Variants in IFT80 observed in about 807,000 individuals in gnomAD.
IFT80 encodes intraflagellar transport protein 80 homolog.
In IFT80, 79 loss-of-function variants were observed where a neutral mutation model predicts 107.9. That is an observed-to-expected ratio of 0.73 (90% CI 0.61 to 0.88). The LOEUF is 0.88. Ranked by LOEUF, IFT80 falls within the 40% of genes least tolerant of loss-of-function variation. The pLI, the probability that IFT80 is intolerant of heterozygous loss-of-function variation, is 0.00. For missense variants in IFT80, 797 were observed against 914.2 expected (o/e 0.87, Z 1.65); for synonymous variants, 299 against 300.9 (o/e 0.99, Z 0.07).
chr3:160,298,093 A>G lies in IFT80; in HGVS notation c.1315+2790T>C, dbSNP rs1401851398. Among the ~76,000 whole-genome samples, 3 of 152,140 alleles carry G rather than the reference A, an allele frequency of 2.0e-5. No homozygotes were observed. The East Asian group carries it at 5.8e-4, about 29-fold the overall frequency. On this transcript the variant is annotated intron_variant, in intron 12 of 19. Transcript: ENST00000326448. Reference sequence around the variant, plus strand: ...AAATAGCAGCTCTAGTACTTAATCAATCACCAAAAGGGGTACTCAAACCCA... The same window carrying G: ...AAATAGCAGCTCTAGTACTTAATCAGTCACCAAAAGGGGTACTCAAACCCA...
intron 8 of IFT80, among the ~76,000 whole-genome samples, chr3:160,322,901 A>C (rs1392354121): frequency 6.6e-6 from 1 of 151,528 alleles, no homozygotes; most frequent in African/African-American, 2.4e-5. Context: ...TTTTCTTGTA[A>C]ATTTGTTTGA....
At chr3:160,395,830 T>C (rs1713731062) in intron 1 of IFT80, among the ~76,000 whole-genome samples, 1 of 152,198 alleles carries the variant, frequency 6.6e-6, no homozygotes, top group Non-Finnish European at 1.5e-5. Flanking sequence ...GAGACAATAT[T>C]TGTTTTTTCT....
Position 160,279,311 on chromosome 3 carries a change from A to G in IFT80, c.1718T>C (p.Ile573Thr). 1.2e-6 allele frequency: 2 copies of G among 1,613,416 alleles called. No homozygotes were observed. Among genetic ancestry groups the G allele is most frequent in the Non-Finnish European group, 1.7e-6 (2 of 1,179,428 alleles). Residue 573 changes from isoleucine to threonine, a missense_variant, in exon 16 of 20, where the codon ATT becomes ACT. Coordinates refer to ENST00000326448, the MANE Select transcript of IFT80 (RefSeq NM_020800.3). ...AACCAGGGAGCCATCAGCTCTTCTA[A>G]TAGTTACTTGATTTCCAACAAAACT... ...IVSFVGNQVTIRRADGSLVHI... is the reference protein window; with the variant it reads ...IVSFVGNQVTTRRADGSLVHI...
At chr3:160,364,708 T>A (rs1390500125) in intron 6 of IFT80, among the ~76,000 whole-genome samples, 1 of 152,126 alleles carries the variant, frequency 6.6e-6, no homozygotes, top group East Asian at 1.9e-4. Context: ...TGCAGGGACA[T>A]GGATGAAGCT....
chr3:160,260,332 C>T (rs778440059), intron 19 of IFT80, among the ~76,000 whole-genome samples: 18 of 152,118 alleles, frequency 1.2e-4, no homozygotes, highest in East Asian at 1.9e-4. Flanking sequence ...ATTTTTTAAA[C>T]GGCAAAGCAC....
rs1714508262 is a variant in IFT80, at chr3:160,279,340, A to T, written c.1689T>A (p.Ile563=). 1.2e-6 allele frequency: 2 copies of T among 1,613,504 alleles called. No individual in the cohort carries two copies. The highest frequency in any genetic ancestry group is 2.7e-5 in the African/African-American group (2 of 75,028). ...TTACTTGATTTCCAACAAAACTCAC[A>T]ATATGGGGATTTTTACTAAATTCAC... ...DASEFSKNPH[I]VSFVGNQVTI... is the part of the protein sequence containing the mutation. The change falls in exon 16 of 20, where the codon ATT becomes ATA. Residue 563 remains isoleucine (I), a synonymous_variant. Transcript: ENST00000326448.
At chr3:160,292,388 A>G (rs1715628399) in intron 12 of IFT80, among the ~76,000 whole-genome samples, 1 of 151,806 alleles carries the variant, frequency 6.6e-6, no homozygotes, top group Admixed American at 6.6e-5. Flanking sequence ...AGGGGAAAGT[A>G]TGAAGAACTG....
chr3:160,397,462 A>T (rs894344234), intron 1 of IFT80, among the ~76,000 whole-genome samples: 1 of 152,188 alleles, frequency 6.6e-6, no homozygotes, highest in East Asian at 1.9e-4. Context: ...GCATACTTTG[A>T]TAAGTTCAAT....
At chr3:160,260,242 C>A (rs1449526877) in intron 19 of IFT80, among the ~76,000 whole-genome samples, 1 of 152,058 alleles carries the variant, frequency 6.6e-6, no homozygotes, top group Non-Finnish European at 1.5e-5. Flanking sequence ...TGCTAAGATG[C>A]AAGTGACAGC....
intron 5 of IFT80, among the ~76,000 whole-genome samples, chr3:160,367,790 G>C (rs1480753178): frequency 6.6e-6 from 1 of 151,898 alleles, no homozygotes; most frequent in East Asian, 1.9e-4. Context: ...TTACTTTCTA[G>C]ATTACCTAAT....
chr3:160,334,319 T>C (rs1719302744), intron 8 of IFT80, among the ~76,000 whole-genome samples: 1 of 152,164 alleles, frequency 6.6e-6, no homozygotes, highest in South Asian at 2.1e-4. Context: ...GATATGTTAT[T>C]AGTTGATAAT....
intron 12 of IFT80, among the ~76,000 whole-genome samples, chr3:160,293,008 T>C (rs1314713023): frequency 6.6e-6 from 1 of 152,188 alleles, no homozygotes; most frequent in East Asian, 1.9e-4. Flanking sequence ...TAATAGTGAA[T>C]GCAGCTTTAT....
chr3:160,323,322 G>A (rs1718417106), intron 8 of IFT80, among the ~76,000 whole-genome samples: 1 of 149,986 alleles, frequency 6.7e-6, no homozygotes, highest in Admixed American at 6.7e-5. Flanking sequence ...GTTTTTCTCA[G>A]GTTTGTCAAA....
intron 10 of IFT80, among the ~76,000 whole-genome samples, chr3:160,304,975 A>G (rs1420151839): frequency 6.6e-6 from 1 of 152,220 alleles, no homozygotes; most frequent in South Asian, 2.1e-4. Flanking sequence ...AAAATACTAT[A>G]TAAATGTAAG....
At chr3:160,272,564 A>G (rs556292280) in intron 18 of IFT80, among the ~76,000 whole-genome samples, 5 of 152,208 alleles carry the variant, frequency 3.3e-5, no homozygotes, top group African/African-American at 9.6e-5. Flanking sequence ...TCTGATCTCT[A>G]TTGCTAAATT....
At chr3:160,333,384 A>G (rs1036168997) in intron 8 of IFT80, among the ~76,000 whole-genome samples, 4 of 152,224 alleles carry the variant, frequency 2.6e-5, no homozygotes, top group Non-Finnish European at 5.9e-5. Context: ...TCAGCTGACT[A>G]TAACTTTTTT....
chr3:160,332,114 CA>C (rs1719133008), intron 8 of IFT80, among the ~76,000 whole-genome samples: 1 of 152,136 alleles, frequency 6.6e-6, no homozygotes, highest in South Asian at 2.1e-4. Context: ...GAGTCTTGAT[CA>C]GATTCAGGTT....
chr3:160,396,352 A>G (rs1397386189), intron 1 of IFT80, among the ~76,000 whole-genome samples: 2 of 151,694 alleles, frequency 1.3e-5, no homozygotes, highest in African/African-American at 4.8e-5. Context: ...AATTCATATT[A>G]GTTAATATCT....
At chr3:160,349,287 A>G (rs538398850) in intron 8 of IFT80, among the ~76,000 whole-genome samples, 40 of 152,150 alleles carry the variant, frequency 2.6e-4, no homozygotes, top group African/African-American at 9.6e-4. Context: ...GTCTCTAATA[A>G]AAAATGCAAA....
Sources: gnomAD v4.1 joint callset for allele counts (sites outside exome capture counted in the v4.1 genomes callset) on GRCh38, gnomAD v4.1.1 for gene constraint, MANE v1.5 for transcripts, NCBI Gene and HGNC (gene_info 2026-07-23, HGNC 2026-07-21) for gene names.